ASIC2: variants seen among roughly 807,000 people sequenced by gnomAD.
The protein encoded by ASIC2 is acid sensing ion channel subunit 2.
Under a neutral mutation model 57.3 loss-of-function variants are expected in ASIC2, and 25 were observed. The ratio of observed to expected loss-of-function variants is 0.44; its 90% CI spans 0.32 to 0.61. The LOEUF (loss-of-function observed/expected upper bound fraction) is 0.61. Ranked by LOEUF, ASIC2 falls within the 20% of genes least tolerant of loss-of-function variation. ASIC2 has a pLI of 0.06. For synonymous variants in ASIC2, 319 were observed against 307.5 expected, an observed-to-expected ratio of 1.04 and a Z score of -0.39; for missense variants, 641 against 738.1, an observed-to-expected ratio of 0.87 and a Z score of 1.52.
At chr17:33,259,037 G>A (rs1050493769) in intron 1 of ASIC2, among the ~76,000 whole-genome samples, 2 of 152,100 alleles carry the variant, frequency 1.3e-5, no homozygotes, top group Admixed American at 6.5e-5. Flanking sequence ...GAAAGGAAGG[G>A]GTTCCTTTTG....
rs540593627 is a variant in ASIC2 at position 33,885,704 on chromosome 17, C to T, written c.555+270274G>A. ...TGTGCTATTTATGTATTATTATGTCCAATTAAAAGTCAGCTCACTTTTCAA... is the reference window on the plus strand; with the variant it reads ...TGTGCTATTTATGTATTATTATGTCTAATTAAAAGTCAGCTCACTTTTCAA... On this transcript the variant is annotated intron_variant, in intron 1 of 9. Coordinates refer to the ASIC2 transcript ENST00000359872. Among the ~76,000 whole-genome samples, 6 of 152,236 alleles carry T rather than the reference C, an allele frequency of 3.9e-5. No homozygotes were observed. The East Asian group carries it at 1.2e-3, about 29-fold the overall frequency.
intron 1 of ASIC2, among the ~76,000 whole-genome samples, chr17:34,105,759 A>G (rs1911024491): frequency 6.6e-6 from 1 of 152,064 alleles, no homozygotes; most frequent in Non-Finnish European, 1.5e-5. Flanking sequence ...GCTCGTTCTT[A>G]CTATGTATAT....
At chr17:34,099,672 G>T (rs191351399) in intron 1 of ASIC2, among the ~76,000 whole-genome samples, 1 of 138,806 alleles carries the variant, frequency 7.2e-6, no homozygotes, top group Non-Finnish European at 1.6e-5. Context: ...AGGAAAGAAA[G>T]AAAGAAAGAA....
At chr17:34,001,545 ACT>A (rs1906339384) in intron 1 of ASIC2, 2 of 152,562 alleles carry the variant, frequency 1.3e-5, no homozygotes, top group African/African-American at 4.8e-5. Context: ...CTTCAAGAGA[ACT>A]GGGGTGGGTC....
At chr17:33,024,726 C>A (rs1420541912) in intron 5 of ASIC2, among the ~76,000 whole-genome samples, 3 of 152,152 alleles carry the variant, frequency 2.0e-5, no homozygotes, top group Non-Finnish European at 2.9e-5. Context: ...TAGAGAGAAT[C>A]CCCCACCCTT....
chr17:33,794,914 A>G (rs1727435294), intron 1 of ASIC2, among the ~76,000 whole-genome samples: 1 of 152,222 alleles, frequency 6.6e-6, no homozygotes, highest in Admixed American at 6.5e-5. Context: ...CAAGCAGTAT[A>G]TCTTTGAATA....
intron 1 of ASIC2, among the ~76,000 whole-genome samples, chr17:34,130,010 T>C (rs944349717): frequency 1.3e-5 from 2 of 152,162 alleles, no homozygotes; most frequent in Non-Finnish European, 2.9e-5. Flanking sequence ...GTGAGTCCAA[T>C]TAGAGAACGA....
intron 1 of ASIC2, among the ~76,000 whole-genome samples, chr17:33,452,257 G>A (rs1436892328): frequency 6.6e-6 from 1 of 152,212 alleles, no homozygotes; most frequent in Non-Finnish European, 1.5e-5. Context: ...TGCTGGCTCT[G>A]GCCCTGGCCT....
At chr17:33,151,256 C>T (rs1904786330) in intron 1 of ASIC2, among the ~76,000 whole-genome samples, 1 of 151,598 alleles carries the variant, frequency 6.6e-6, no homozygotes, top group Non-Finnish European at 1.5e-5. Flanking sequence ...CACCTCTAGT[C>T]TCAGCTACTC....
intron 1 of ASIC2, among the ~76,000 whole-genome samples, chr17:33,795,094 G>A (rs972030730): frequency 6.6e-6 from 1 of 152,208 alleles, no homozygotes; most frequent in Non-Finnish European, 1.5e-5. Context: ...GATTGTAGGA[G>A]CTTGATTCTG....
intron 6 of ASIC2, 35 bp from the exon 7 acceptor site, chr17:33,021,345 G>A: frequency 6.7e-7 from 1 of 1,501,726 alleles, no homozygotes. Flanking sequence ...TACATGGTTA[G>A]AGCTATCAGC....
chr17:33,578,696 C>T (rs1463217011), intron 1 of ASIC2, among the ~76,000 whole-genome samples: 1 of 152,202 alleles, frequency 6.6e-6, no homozygotes, highest in Admixed American at 6.5e-5. Context: ...CCTACACCAA[C>T]TCTACAACTG....
intron 1 of ASIC2, among the ~76,000 whole-genome samples, chr17:33,338,905 G>T (rs144891411): frequency 2.3e-4 from 35 of 152,294 alleles, no homozygotes; most frequent in African/African-American, 7.5e-4. Context: ...ATGGAAAGTT[G>T]CCAGGGGCTG....
In ASIC2 at chr17:33,700,741, C is replaced by T. The variant is rs138295705; in HGVS notation, c.555+455237G>A. On this transcript the variant is annotated intron_variant, in intron 1 of 9. Transcript: ENST00000359872. ...AAACAAATCTGAAATTCAATCCATG[C>T]GTTGATCACTAGTTCCCTTCAGACA... 5.4e-3 allele frequency among the ~76,000 whole-genome samples: 820 copies of T among 152,232 alleles called. 6 individuals are homozygous for T. Among genetic ancestry groups the T allele is most frequent in the African/African-American group, 0.019 (779 of 41,530 alleles).
intron 1 of ASIC2, among the ~76,000 whole-genome samples, chr17:33,219,297 T>C (rs375241): frequency 0.75 from 114,267 of 152,072 alleles, 43,255 homozygotes; most frequent in African/African-American, 0.81. Context: ...CAGCCCCCCT[T>C]GATGCCAAGC....
At chr17:34,037,877 T>G in intron 1 of ASIC2, 1 of 1,613,926 alleles carries the variant, frequency 6.2e-7, no homozygotes, top group Middle Eastern at 1.7e-4. Context: ...TAGGATGTCT[T>G]GCTGAGACTG....
At chr17:33,168,283 G>C (rs139728271) in intron 1 of ASIC2, among the ~76,000 whole-genome samples, 5 of 152,300 alleles carry the variant, frequency 3.3e-5, no homozygotes, top group Non-Finnish European at 7.4e-5. Context: ...TGGCACTGTT[G>C]CTATAACAAA....
intron 1 of ASIC2, among the ~76,000 whole-genome samples, chr17:33,162,239 T>G (rs1469454911): frequency 1.3e-5 from 2 of 152,152 alleles, no homozygotes; most frequent in Non-Finnish European, 2.9e-5. Context: ...ACAGATACAA[T>G]GAGCTCCTGA....
rs549875698 is a variant in ASIC2 at position 33,925,707 on chromosome 17, G to A, written c.555+230271C>T. Among the ~76,000 whole-genome samples the A allele has an allele frequency of 6.6e-5, 10 of 152,302 alleles. No homozygotes were observed. The South Asian group carries it at 2.1e-3, about 32-fold the overall frequency. On this transcript the variant is annotated intron_variant, in intron 1 of 9. Transcript: ENST00000359872. The stretch of plus-strand genomic sequence containing the variant: ...CAGGTTCTTCTAAATCCAATTCTGG[G>A]TGTCTACTTTCCAAATCCTCCCAGA...
Sources: gnomAD v4.1 joint callset for allele counts (sites outside exome capture counted in the v4.1 genomes callset) on GRCh38, gnomAD v4.1.1 for gene constraint, MANE v1.5 for transcripts, NCBI Gene and HGNC (gene_info 2026-07-23, HGNC 2026-07-21) for gene names.